The following GOLM2 variants were observed in gnomAD, a reference collection of about 807,000 sequenced individuals.
GOLM2 encodes protein GOLM2.
Under a neutral mutation model 55.9 loss-of-function variants are expected in GOLM2, and 26 were observed. That is an observed-to-expected ratio of 0.47 (90% CI 0.34 to 0.65). The LOEUF is 0.65. Ranked by LOEUF, GOLM2 falls within the 30% of genes least tolerant of loss-of-function variation. The probability of loss-of-function intolerance (pLI) is 0.01; values close to 1 mark genes in which losing one functional copy is unlikely to be tolerated. For missense variants in GOLM2, 486 were observed against 531.8 expected, an observed-to-expected ratio of 0.91 and a Z score of 0.85; for synonymous variants, 165 against 194.6, an observed-to-expected ratio of 0.85 and a Z score of 1.27.
Position 44,343,225 on chromosome 15 carries a change from C to T in GOLM2, c.802+4908C>T, listed in dbSNP as rs542219810. On this transcript the variant is annotated intron_variant, in intron 6 of 9. Transcript: ENST00000299957. ...GTGGGCACCTGTAATCCCAGCTACT[C>T]GGGAGGCTGAGGCAGGAGAATCGCT... Among the ~76,000 whole-genome samples the T allele has an allele frequency of 6.0e-5, 9 of 150,278 alleles. No individual in the cohort carries two copies. The South Asian group carries it at 1.1e-3, about 18-fold the overall frequency.
At chr15:44,341,691 A>ATTTTTTTTTTT (rs752182459) in intron 6 of GOLM2, among the ~76,000 whole-genome samples, 1 of 120,870 alleles carries the variant, frequency 8.3e-6, no homozygotes, top group African/African-American at 3.2e-5. Context: ...ATTTTATTAG[A>ATTTTTTTTTTT]TTTTTTTTTT....
rs2079668072 is a variant in GOLM2, at chr15:44,415,539, G to GT, written c.*2134dup. 6.6e-6 allele frequency: 1 copy of GT among 152,480 alleles called. No homozygotes were observed. 9.4% of individuals were successfully genotyped at this position (152,480 alleles called of 1,614,324 possible). A position where few individuals can be genotyped will look rare whatever the true frequency, so the allele number is the denominator to read the frequency against. ...GGACCAATTGATAATATTTCTGACT[G>GT]TATTAATATTTTAGTGCTATAAAAT... On this transcript the variant is annotated 3_prime_UTR_variant, in exon 10 of 10. Transcript: ENST00000299957.
intron 8 of GOLM2, among the ~76,000 whole-genome samples, chr15:44,395,288 G>A (rs553390997): frequency 6.6e-6 from 1 of 151,470 alleles, no homozygotes; most frequent in East Asian, 1.9e-4. Flanking sequence ...TATTACAAGC[G>A]TGAGCCACTG....
At chr15:44,350,710 G>T (rs1394557816) in intron 6 of GOLM2, among the ~76,000 whole-genome samples, 1 of 152,108 alleles carries the variant, frequency 6.6e-6, no homozygotes, top group Non-Finnish European at 1.5e-5. Context: ...ATGGACATTG[G>T]TGCAAAAATC....
At position 44,368,893 on chromosome 15, in the gene GOLM2, A is replaced by G. The variant is rs530432181; in HGVS notation, c.803-10797A>G. Among the ~76,000 whole-genome samples the G allele has an allele frequency of 1.2e-4, 18 of 149,416 alleles. 2 individuals are homozygous for G. The East Asian group carries it at 2.8e-3, about 23-fold the overall frequency. On this transcript the variant is annotated intron_variant, in intron 6 of 9. Transcript: ENST00000299957. ...TTTGTATGTCTAGTAATTTTATTGT[A>G]TACTTTATGAGTATTACATTGAGGA...
At chr15:44,291,104 C>CTTT (rs577138423) in intron 1 of GOLM2, among the ~76,000 whole-genome samples, 2 of 129,366 alleles carry the variant, frequency 1.5e-5, no homozygotes. Context: ...TGCCCAGCCT[C>CTTT]TTTTTTTTTT....
At chr15:44,381,026 A>G (rs1216487346) in intron 8 of GOLM2, 50 bp downstream of exon 8, 1 of 1,198,684 alleles carries the variant, frequency 8.3e-7, no homozygotes, top group Non-Finnish European at 1.1e-6. Flanking sequence ...TTTAAATGTA[A>G]TATGAATTAA....
chr15:44,365,896 G>A (rs770469660), intron 6 of GOLM2, among the ~76,000 whole-genome samples: 1 of 152,166 alleles, frequency 6.6e-6, no homozygotes, highest in Non-Finnish European at 1.5e-5. Flanking sequence ...TACCACTTTG[G>A]TAGGGGATGT....
At chr15:44,333,621 T>C (rs1369597965) in intron 4 of GOLM2, among the ~76,000 whole-genome samples, 1 of 152,074 alleles carries the variant, frequency 6.6e-6, no homozygotes, top group Non-Finnish European at 1.5e-5. Context: ...CAAAAGAACA[T>C]AATGGAACAC....
intron 1 of GOLM2, among the ~76,000 whole-genome samples, chr15:44,300,585 T>C (rs1188847369): frequency 1.3e-5 from 2 of 152,212 alleles, no homozygotes; most frequent in Non-Finnish European, 2.9e-5. Context: ...CCCTTTTACT[T>C]ACTCCATAGA....
At chr15:44,360,591 C>A (rs566791324) in intron 6 of GOLM2, among the ~76,000 whole-genome samples, 1 of 152,284 alleles carries the variant, frequency 6.6e-6, no homozygotes, top group African/African-American at 2.4e-5. Flanking sequence ...TAGACTCCCA[C>A]ACATTAATAA....
At chr15:44,353,008 T>C (rs1161652040) in intron 6 of GOLM2, among the ~76,000 whole-genome samples, 4 of 151,174 alleles carry the variant, frequency 2.6e-5, no homozygotes, top group Admixed American at 2.6e-4. Context: ...ATAATCAGAC[T>C]ATATAAGGAG....
At chr15:44,291,623 T>G (rs1016607697) in intron 1 of GOLM2, among the ~76,000 whole-genome samples, 7 of 152,240 alleles carry the variant, frequency 4.6e-5, no homozygotes, top group Non-Finnish European at 1.0e-4. Context: ...TCCTGTTGAT[T>G]GTCTCTAGCT....
chr15:44,394,419 G>A (rs2079511280), intron 8 of GOLM2, among the ~76,000 whole-genome samples: 1 of 152,270 alleles, frequency 6.6e-6, no homozygotes, highest in South Asian at 2.1e-4. Flanking sequence ...ACGGGGAGAT[G>A]GTAAGGTTGT....
intron 1 of GOLM2, among the ~76,000 whole-genome samples, chr15:44,310,794 G>A (rs924740015): frequency 6.6e-5 from 10 of 152,030 alleles, no homozygotes; most frequent in African/African-American, 1.2e-4. Flanking sequence ...CAAGGCGGGC[G>A]GATCACGAGG....
At chr15:44,405,355 C>A (rs1405078157) in intron 9 of GOLM2, 3 of 152,176 alleles carry the variant, frequency 2.0e-5, no homozygotes, top group Non-Finnish European at 2.9e-5. Context: ...TTTAACATTT[C>A]TTGTCTCATT....
chr15:44,312,584 A>G (rs1196850566), intron 1 of GOLM2, among the ~76,000 whole-genome samples: 1 of 152,176 alleles, frequency 6.6e-6, no homozygotes, highest in Non-Finnish European at 1.5e-5. Flanking sequence ...AAGACTTTGT[A>G]GAATTAGTAA....
At chr15:44,313,959 C>A (rs2078891014) in intron 1 of GOLM2, among the ~76,000 whole-genome samples, 1 of 152,046 alleles carries the variant, frequency 6.6e-6, no homozygotes, top group South Asian at 2.1e-4. Context: ...AACTGGGGGC[C>A]AGGCGCAGTG....
chr15:44,321,092 T>G (rs1296546853), intron 1 of GOLM2, among the ~76,000 whole-genome samples: 1 of 152,166 alleles, frequency 6.6e-6, no homozygotes, highest in Non-Finnish European at 1.5e-5. Flanking sequence ...TTGAGACTAC[T>G]CTCATGTTTT....
Sources: allele counts gnomAD v4.1 joint callset (sites outside exome capture counted in the v4.1 genomes callset), GRCh38; gene constraint gnomAD v4.1.1; transcripts MANE v1.5; gene names NCBI Gene and HGNC (gene_info 2026-07-23, HGNC 2026-07-21).